RAD23B: variants seen among roughly 807,000 people sequenced by gnomAD.
RAD23B encodes the protein RAD23 nucleotide excision repair protein B.
Under a neutral mutation model 49.1 loss-of-function variants are expected in RAD23B, and 5 were observed. The ratio of observed to expected loss-of-function variants is 0.10; its 90% CI spans 0.05 to 0.21. The LOEUF is 0.21. RAD23B is among the 10% of genes least tolerant of loss of function. The probability of loss-of-function intolerance (pLI) is 1.00; values close to 1 mark genes in which losing one functional copy is unlikely to be tolerated. For missense variants in RAD23B, 356 were observed against 486.7 expected, an observed-to-expected ratio of 0.73 and a Z score of 2.53; for synonymous variants, 184 against 165.4, an observed-to-expected ratio of 1.11 and a Z score of -0.86.
At chr9:107,308,342 C>T (rs564331208) in intron 4 of RAD23B, among the ~76,000 whole-genome samples, 1 of 152,100 alleles carries the variant, frequency 6.6e-6, no homozygotes, top group South Asian at 2.1e-4. Context: ...TCTCAGCCTC[C>T]TGAGTAGCTG....
chr9:107,324,469 C>T (rs577834485), intron 8 of RAD23B, among the ~76,000 whole-genome samples: 1 of 152,258 alleles, frequency 6.6e-6, no homozygotes, highest in South Asian at 2.1e-4. Context: ...GAATTTTATA[C>T]AGCATTTTAA....
At chr9:107,328,780 C>G (rs1030426155) in intron 9 of RAD23B, among the ~76,000 whole-genome samples, 1 of 152,132 alleles carries the variant, frequency 6.6e-6, no homozygotes, top group African/African-American at 2.4e-5. Flanking sequence ...TGATCTAACT[C>G]AAGGTGATTG....
In RAD23B at chr9:107,313,309, T is replaced by C. The variant is rs191844527; in HGVS notation, c.553+1572T>C. Among the ~76,000 whole-genome samples, 322 of 152,204 alleles carry C rather than the reference T, an allele frequency of 2.1e-3. 2 individuals carry two copies. Among genetic ancestry groups the C allele is most frequent in the African/African-American group, 7.4e-3 (307 of 41,512 alleles). On this transcript the variant is annotated intron_variant, in intron 5 of 9. Coordinates refer to ENST00000358015, the MANE Select transcript of RAD23B (RefSeq NM_002874.5). ...GGCATGATCTCAGCTCACTGCAACCTCCACCTCCCAGGTTTAAGCGATTCT... is the reference window on the plus strand; with the variant it reads ...GGCATGATCTCAGCTCACTGCAACCCCCACCTCCCAGGTTTAAGCGATTCT...
intron 5 of RAD23B, among the ~76,000 whole-genome samples, chr9:107,312,957 T>C (rs576876168): frequency 1.8e-4 from 28 of 152,298 alleles, no homozygotes; most frequent in African/African-American, 6.7e-4. Flanking sequence ...TCTGTGACGA[T>C]GTCTTCCCAT....
intron 7 of RAD23B, among the ~76,000 whole-genome samples, chr9:107,322,339 C>G (rs1006808746): frequency 1.3e-5 from 2 of 152,140 alleles, no homozygotes; most frequent in East Asian, 1.9e-4. Flanking sequence ...GCAGTTTTGC[C>G]GAAGGGCATA....
At chr9:107,307,992 G>A (rs1826812979) in intron 4 of RAD23B, among the ~76,000 whole-genome samples, 1 of 151,992 alleles carries the variant, frequency 6.6e-6, no homozygotes, top group Non-Finnish European at 1.5e-5. Flanking sequence ...CTGTTGATCA[G>A]GTCTGTATAT....
rs539300295 is a variant in RAD23B, at chr9:107,325,042, G to T, written c.1116+38G>T. Reference sequence around the variant, plus strand: ...AAAACTTTAAAAAAATTAGTTCTTGGCTGGGCTCATGCCTGTAATTCCAGC... The same window carrying T: ...AAAACTTTAAAAAAATTAGTTCTTGTCTGGGCTCATGCCTGTAATTCCAGC... On this transcript the variant is annotated intron_variant, in intron 9 of 9. Coordinates refer to ENST00000358015, the MANE Select transcript of RAD23B (RefSeq NM_002874.5). The T allele has an allele frequency of 9.5e-6, 15 of 1,577,556 alleles. No homozygotes were observed. In the South Asian group the frequency reaches 1.2e-4, roughly 13 times the overall value.
At chr9:107,284,990 T>TAA (rs1833246878) in intron 1 of RAD23B, 2 of 1,276,940 alleles carry the variant, frequency 1.6e-6, no homozygotes, top group Non-Finnish European at 2.1e-6. Flanking sequence ...GATACAGTGT[T>TAA]ACGTTTTACT....
chr9:107,304,695 G>A (rs1488389547), intron 3 of RAD23B, among the ~76,000 whole-genome samples: 1 of 152,140 alleles, frequency 6.6e-6, no homozygotes, highest in Non-Finnish European at 1.5e-5. Flanking sequence ...GCTACCTTTT[G>A]TCCTTGGGAA....
intron 4 of RAD23B, among the ~76,000 whole-genome samples, chr9:107,309,837 A>G (rs1056708918): frequency 1.3e-5 from 2 of 150,174 alleles, no homozygotes; most frequent in African/African-American, 2.4e-5. Context: ...AGGCTGAGGC[A>G]GGAGAATGGC....
chr9:107,292,794 C>T (rs530826843), intron 1 of RAD23B, among the ~76,000 whole-genome samples: 1 of 151,838 alleles, frequency 6.6e-6, no homozygotes, highest in Non-Finnish European at 1.5e-5. Flanking sequence ...GACTCTGCCT[C>T]TAGAGCCTGT....
At chr9:107,310,160 A>G (rs1343787706) in intron 4 of RAD23B, among the ~76,000 whole-genome samples, 3 of 152,158 alleles carry the variant, frequency 2.0e-5, no homozygotes, top group African/African-American at 7.2e-5. Flanking sequence ...GGAAAATGCT[A>G]TTGAGATCTC....
rs1465043483 is a variant in RAD23B at position 107,308,241 on chromosome 9, CAG to C, written c.497+1597_497+1598del. Reference sequence around the variant, plus strand: ...CCATTTTTTTTTTTTTTTTTGGAGACAGAGTCTTGCTCTGCCACCCAGGCAGG... The same window carrying C: ...CCATTTTTTTTTTTTTTTTTGGAGACAGTCTTGCTCTGCCACCCAGGCAGG... On this transcript the variant is annotated intron_variant, in intron 4 of 9. Transcript: ENST00000358015. 1.3e-4 allele frequency among the ~76,000 whole-genome samples: 18 copies of C among 138,822 alleles called. No individual in the cohort carries two copies. In the East Asian group the frequency reaches 3.4e-3, roughly 26 times the overall value. 91.1% of individuals were successfully genotyped at this position (138,822 alleles called of 152,430 possible).
chr9:107,319,044 C>T (rs1471062576), intron 6 of RAD23B, among the ~76,000 whole-genome samples, 165 bp downstream of exon 6: 6 of 149,326 alleles, frequency 4.0e-5, no homozygotes, highest in Non-Finnish European at 1.5e-5. Flanking sequence ...AAAATGTAAC[C>T]TTTTTTAATC....
rs538292521 is a variant in RAD23B at position 107,290,372 on chromosome 9, A to AT, written c.66+6682dup. Among the ~76,000 whole-genome samples, 3 of 151,970 alleles carry AT rather than the reference A, an allele frequency of 2.0e-5. No individual in the cohort carries two copies. In the South Asian group the frequency reaches 6.2e-4, roughly 32 times the overall value. On this transcript the variant is annotated intron_variant, in intron 1 of 9. Transcript: ENST00000358015. ...TTTCCCATTTCTAGGGTATACAAAC[A>AT]TTTTTCCCCATCTTAATGATACACT... is the stretch of plus-strand genomic sequence containing the variant.
intron 6 of RAD23B, among the ~76,000 whole-genome samples, chr9:107,319,632 G>C (rs1329510145): frequency 1.3e-5 from 2 of 152,168 alleles, no homozygotes; most frequent in Admixed American, 6.5e-5. Flanking sequence ...ATTATCCTCT[G>C]ATTCACTCTG....
chr9:107,324,109 TC>T, intron 8 of RAD23B, 92 bp downstream of exon 8: 26 of 1,301,310 alleles, frequency 2.0e-5, no homozygotes, highest in Non-Finnish European at 2.8e-5. Context: ...CAAATACAAC[TC>T]TGTATTTGAG....
chr9:107,292,890 T>G (rs1833411573), intron 1 of RAD23B, among the ~76,000 whole-genome samples: 1 of 152,188 alleles, frequency 6.6e-6, no homozygotes, highest in African/African-American at 2.4e-5. Flanking sequence ...AGTTAACCTA[T>G]TACTGCATAA....
chr9:107,306,051 C>CTATATA (rs770269253), intron 3 of RAD23B, among the ~76,000 whole-genome samples: 1 of 49,792 alleles, frequency 2.0e-5, no homozygotes, highest in Non-Finnish European at 3.7e-5. Context: ...CGGTTTATAT[C>CTATATA]TATATATATA....
Sources: allele counts gnomAD v4.1 joint callset (sites outside exome capture counted in the v4.1 genomes callset), GRCh38; gene constraint gnomAD v4.1.1; transcripts MANE v1.5; gene names NCBI Gene and HGNC (gene_info 2026-07-23, HGNC 2026-07-21).